NCKAP5: variants seen among roughly 807,000 people sequenced by gnomAD.
NCKAP5 encodes nck-associated protein 5.
Under a neutral mutation model 167.0 loss-of-function variants are expected in NCKAP5, and 92 were observed. That is an observed-to-expected ratio of 0.55 (90% confidence interval 0.47 to 0.66). NCKAP5 has a LOEUF of 0.66. Among genes scored for constraint, NCKAP5 ranks in the 30% least tolerant of loss-of-function variants. The pLI is 0.00. For synonymous variants in NCKAP5, 891 were observed against 877.4 expected (o/e 1.02, Z -0.27); for missense variants, 2,378 against 2,315.0 (o/e 1.03, Z -0.56).
At position 133,511,393 on chromosome 2, in the gene NCKAP5, A is replaced by C. The variant is rs149971663; in HGVS notation, c.69+6065T>G. 5.3e-5 allele frequency among the ~76,000 whole-genome samples: 8 copies of C among 152,246 alleles called. No homozygotes were observed. In the East Asian group the frequency reaches 1.5e-3, roughly 29 times the overall value. On this transcript the variant is annotated intron_variant, in intron 3 of 19. Transcript: ENST00000409261. Reference sequence around the variant, plus strand: ...GACCCGGAGATCTGCACTGTTGGAGAACAGGTGGGCAGGGCACCTCTCCTG... The same window carrying C: ...GACCCGGAGATCTGCACTGTTGGAGCACAGGTGGGCAGGGCACCTCTCCTG...
chr2:133,279,878 A>C (rs994222030), intron 4 of NCKAP5, among the ~76,000 whole-genome samples: 1 of 152,204 alleles, frequency 6.6e-6, no homozygotes, highest in Non-Finnish European at 1.5e-5. Context: ...TATTCACACA[A>C]CCATCATTCA....
At chr2:133,182,981 C>T (rs2084798582) in intron 5 of NCKAP5, among the ~76,000 whole-genome samples, 1 of 152,102 alleles carries the variant, frequency 6.6e-6, no homozygotes, top group Non-Finnish European at 1.5e-5. Flanking sequence ...CTATGAACAA[C>T]ACTGCATACA....
At chr2:133,296,671 A>G (rs1679984797) in intron 4 of NCKAP5, among the ~76,000 whole-genome samples, 1 of 152,326 alleles carries the variant, frequency 6.6e-6, no homozygotes, top group South Asian at 2.1e-4. Context: ...AGTGCTGAGT[A>G]ATCTTAAATA....
Position 133,488,591 on chromosome 2 carries a change from T to TG in NCKAP5, c.69+28866dup, listed in dbSNP as rs567601988. Among the ~76,000 whole-genome samples, 13 of 152,138 alleles carry TG rather than the reference T, an allele frequency of 8.5e-5. No individual in the cohort carries two copies. The East Asian group carries it at 2.5e-3, about 29-fold the overall frequency. On this transcript the variant is annotated intron_variant, in intron 3 of 19. Transcript: ENST00000409261. ...GGGCAGGCTGAGTACAGTGGCACTT[T>TG]GGGAGGCAAGGCAGGAGGACTGCTC...
At chr2:132,873,050 A>G (rs1322036274) in intron 9 of NCKAP5, among the ~76,000 whole-genome samples, 3 of 152,194 alleles carry the variant, frequency 2.0e-5, no homozygotes, top group African/African-American at 7.2e-5. Context: ...AGGCCAGTTG[A>G]ACTTCGGAAA....
chr2:133,424,296 CCAAT>C (rs1416371402), intron 3 of NCKAP5, among the ~76,000 whole-genome samples: 4 of 152,134 alleles, frequency 2.6e-5, no homozygotes, highest in Admixed American at 1.3e-4. Context: ...CAGAGGTTTC[CCAAT>C]CAGTGTGACT....
chr2:133,647,676 A>T, the NCKAP5 span, among the ~76,000 whole-genome samples: 1 of 134,872 alleles, frequency 7.4e-6, no homozygotes, highest in African/African-American at 3.1e-5. Context: ...AGAGGAAAGA[A>T]AGGAAGGAAG....
At chr2:132,742,267 T>A (rs1237294973) in intron 16 of NCKAP5, among the ~76,000 whole-genome samples, 1 of 151,976 alleles carries the variant, frequency 6.6e-6, no homozygotes, top group East Asian at 1.9e-4. Context: ...GCCTCTATTC[T>A]TAATTTCACC....
At chr2:133,494,859 A>AT (rs2151367070) in intron 3 of NCKAP5, among the ~76,000 whole-genome samples, 1 of 152,292 alleles carries the variant, frequency 6.6e-6, no homozygotes, top group East Asian at 1.9e-4. Flanking sequence ...GAAAATCTAC[A>AT]TTTTGTCGAG....
chr2:133,511,367 G>A (rs1316683674), intron 3 of NCKAP5, among the ~76,000 whole-genome samples: 1 of 152,050 alleles, frequency 6.6e-6, no homozygotes, highest in Non-Finnish European at 1.5e-5. Context: ...TCCATCCATG[G>A]GACCCGGAGA....
At chr2:133,389,736 G>A (rs1284354495) in intron 3 of NCKAP5, among the ~76,000 whole-genome samples, 1 of 152,176 alleles carries the variant, frequency 6.6e-6, no homozygotes, top group Non-Finnish European at 1.5e-5. Flanking sequence ...ATTCGTGTGG[G>A]TGCAGGCCCG....
intron 11 of NCKAP5, among the ~76,000 whole-genome samples, chr2:132,824,157 C>A (rs940192056): frequency 2.7e-5 from 4 of 150,030 alleles, no homozygotes; most frequent in Non-Finnish European, 4.5e-5. Context: ...AAACAGAAAG[C>A]CTCACTTAAC....
the NCKAP5 span, among the ~76,000 whole-genome samples, chr2:133,653,747 C>T: frequency 6.6e-6 from 1 of 152,140 alleles, no homozygotes; most frequent in East Asian, 1.9e-4. Flanking sequence ...CCCAAATGTC[C>T]ACGGGCAGCG....
chr2:133,269,462 G>A (rs2150406022), intron 4 of NCKAP5, among the ~76,000 whole-genome samples: 1 of 152,274 alleles, frequency 6.6e-6, no homozygotes, highest in Admixed American at 6.5e-5. Context: ...GAGGGAGCAG[G>A]CAAGCCATGC....
At chr2:132,969,893 CTT>C (rs1384910198) in intron 7 of NCKAP5, among the ~76,000 whole-genome samples, 9 of 152,182 alleles carry the variant, frequency 5.9e-5, no homozygotes, top group East Asian at 1.9e-4. Context: ...GGGGTTCTCT[CTT>C]GTTTCTTAAT....
rs3051216 is a variant in NCKAP5 at position 133,177,183 on chromosome 2, T to TATATATATATATATAC, written c.207+36532_207+36533insGTATATATATATATAT. On this transcript the variant is annotated intron_variant, in intron 5 of 19. Transcript: ENST00000409261. ...TGTTTTCTATATATATATATATATA[T>TATATATATATATATAC]ATATACTCAAGAAACTTCTGTAAAA... 1.1e-3 allele frequency among the ~76,000 whole-genome samples: 160 copies of TATATATATATATATAC among 142,668 alleles called. 1 individual carries two copies. In the East Asian group the frequency reaches 0.011, roughly 10 times the overall value. 93.6% of individuals were successfully genotyped at this position (142,668 alleles called of 152,430 possible).
intron 3 of NCKAP5, among the ~76,000 whole-genome samples, chr2:133,474,546 G>A (rs373500640): frequency 1.3e-5 from 2 of 152,080 alleles, no homozygotes; most frequent in African/African-American, 2.4e-5. Flanking sequence ...TAAGGGAATA[G>A]ATTTTAAGTG....
intron 5 of NCKAP5, among the ~76,000 whole-genome samples, chr2:133,178,423 T>C (rs1041109934): frequency 1.5e-4 from 22 of 141,948 alleles, no homozygotes; most frequent in South Asian, 8.8e-4. Context: ...GAGAATTGCC[T>C]GAACCCGGGA....
At chr2:133,407,714 TG>T in intron 3 of NCKAP5, among the ~76,000 whole-genome samples, 1 of 152,148 alleles carries the variant, frequency 6.6e-6, no homozygotes, top group South Asian at 2.1e-4. Context: ...AGGGCAAAGC[TG>T]AGAAAACATT....
Sources: allele counts gnomAD v4.1 joint callset (sites outside exome capture counted in the v4.1 genomes callset), GRCh38; gene constraint gnomAD v4.1.1; transcripts MANE v1.5; gene names NCBI Gene and HGNC (gene_info 2026-07-23, HGNC 2026-07-21).